ABCC4: variants seen among roughly 807,000 people sequenced by gnomAD.
ABCC4 encodes the protein ATP binding cassette subfamily C member 4 (PEL blood group).
In ABCC4, 102 loss-of-function variants were observed where a neutral mutation model predicts 168.5. The observed-to-expected ratio is 0.61, with a 90% CI of 0.52 to 0.71. The LOEUF is 0.71. Ranked by LOEUF, ABCC4 falls within the 30% of genes least tolerant of loss-of-function variation. The probability of loss-of-function intolerance (pLI) is 0.00; values close to 1 mark genes in which losing one functional copy is unlikely to be tolerated. For synonymous variants in ABCC4, 617 were observed against 590.7 expected (o/e 1.04, Z -0.65); for missense variants, 1,402 against 1,605.8 (o/e 0.87, Z 2.17).
intron 19 of ABCC4, among the ~76,000 whole-genome samples, chr13:95,132,614 T>C (rs2036007747): frequency 6.6e-6 from 1 of 152,194 alleles, no homozygotes; most frequent in Non-Finnish European, 1.5e-5. Flanking sequence ...TGTTGTGGTA[T>C]TATAATTTTT....
chr13:95,071,556 A>T, intron 25 of ABCC4, 106 bp downstream of exon 25: 1 of 974,406 alleles, frequency 1.0e-6, no homozygotes, highest in Non-Finnish European at 1.4e-6. Flanking sequence ...AAGACAGGTT[A>T]ACCTACGTAT....
chr13:95,105,993 A>G (rs1260911116), intron 20 of ABCC4, among the ~76,000 whole-genome samples: 3 of 152,214 alleles, frequency 2.0e-5, no homozygotes, highest in African/African-American at 7.2e-5. Flanking sequence ...GATTTTCAGT[A>G]AAGCCCATCA....
intron 4 of ABCC4, among the ~76,000 whole-genome samples, chr13:95,232,135 T>C (rs1489919808): frequency 4.0e-5 from 6 of 151,182 alleles, no homozygotes; most frequent in African/African-American, 1.5e-4. Context: ...ATGATGGTGG[T>C]GGTGGTGGTG....
At chr13:95,187,303 G>A (rs1279457550) in intron 10 of ABCC4, among the ~76,000 whole-genome samples, 1 of 152,218 alleles carries the variant, frequency 6.6e-6, no homozygotes, top group Non-Finnish European at 1.5e-5. Flanking sequence ...TAGAAATGCT[G>A]TATGTAAATA....
chr13:95,224,067 A>G (rs1383583063), intron 4 of ABCC4, among the ~76,000 whole-genome samples: 1 of 152,148 alleles, frequency 6.6e-6, no homozygotes, highest in Non-Finnish European at 1.5e-5. Context: ...CCTAAACTTT[A>G]CAATAATAAA....
chr13:95,067,601 A>G (rs1013518664), intron 25 of ABCC4, among the ~76,000 whole-genome samples: 32 of 152,254 alleles, frequency 2.1e-4, no homozygotes, highest in African/African-American at 7.5e-4. Context: ...CATGTTTCCA[A>G]GCAGAGGCAG....
chr13:95,083,513 G>T (rs79978869), intron 20 of ABCC4, among the ~76,000 whole-genome samples: 11,747 of 149,032 alleles, frequency 0.079, 1,497 homozygotes, highest in African/African-American at 0.27. Flanking sequence ...TATCCATTAG[G>T]TTTTTTTTTC....
chr13:95,051,100 C>T (rs1305097886), intron 27 of ABCC4, among the ~76,000 whole-genome samples: 1 of 152,122 alleles, frequency 6.6e-6, no homozygotes, highest in Admixed American at 6.5e-5. Flanking sequence ...CAGAGATTCA[C>T]AAATTTAAAT....
chr13:95,244,665 G>C lies in ABCC4; in HGVS notation c.306+2310C>G, dbSNP rs200083082. Among the ~76,000 whole-genome samples the C allele has an allele frequency of 3.8e-3, 310 of 82,510 alleles. 60 individuals are homozygous for C. Among genetic ancestry groups the C allele is most frequent in the Non-Finnish European group, 5.4e-3 (175 of 32,446 alleles). The allele number at this position is 82,510 out of a possible 152,430, so 54.1% of individuals were successfully genotyped here. ...AGAAAGAAAGAAAGAAAGAAAGAAA[G>C]AAAGAAATCATAGCAGTTCCTGGTA... On this transcript the variant is annotated intron_variant, in intron 3 of 30. Transcript: ENST00000645237.
intron 4 of ABCC4, among the ~76,000 whole-genome samples, chr13:95,224,315 G>C (rs1436601012): frequency 1.3e-5 from 2 of 151,956 alleles, no homozygotes; most frequent in African/African-American, 2.4e-5. Flanking sequence ...TTTGAAGGGA[G>C]AGGGGCAGAC....
At chr13:95,202,886 C>T (rs1401846634) in intron 8 of ABCC4, among the ~76,000 whole-genome samples, 1 of 152,112 alleles carries the variant, frequency 6.6e-6, no homozygotes, top group Non-Finnish European at 1.5e-5. Flanking sequence ...TCTAGAACTC[C>T]TGACCTCAAG....
Position 95,166,161 on chromosome 13 carries a change from T to C in ABCC4, c.2031A>G (p.Gln677=). ...PSLKDGALES[Q]DTENVPVTLS... is the part of the protein sequence containing the mutation. ...TTGTAACAGGAGGTGAACTCACATC[T>C]TGGCTCTCCAGAGCACCATCTTTCA... The change falls in exon 15 of 31, where the codon CAA becomes CAG. Residue 677 remains glutamine, a synonymous_variant. Transcript: ENST00000645237. 1 of 1,613,578 alleles carries C rather than the reference T, an allele frequency of 6.2e-7. No homozygotes were observed. Among genetic ancestry groups the C allele is most frequent in the Non-Finnish European group, 8.5e-7 (1 of 1,179,536 alleles).
rs773955230 is a variant in ABCC4, at chr13:95,186,785, T to G, written c.1461A>C (p.Gly487=). ...YVSQQPWVFS[G]TLRSNILFGK... The stretch of plus-strand genomic sequence containing the variant: ...CAAATAAAATATTACTCCTCAGAGT[T>G]CCCGAGAACACCCAGGGCTGCTGAG... The change falls in exon 11 of 31, where the codon GGA becomes GGC. Residue 487 remains glycine, a synonymous_variant. Transcript: ENST00000645237. 5 of 1,614,062 alleles carry G rather than the reference T, an allele frequency of 3.1e-6. No homozygotes were observed. The African/African-American group carries it at 6.7e-5, about 22-fold the overall frequency.
chr13:95,084,206 T>C (rs1466748513), intron 20 of ABCC4, among the ~76,000 whole-genome samples: 11 of 152,170 alleles, frequency 7.2e-5, no homozygotes, highest in Non-Finnish European at 1.2e-4. Context: ...AATATCCCTA[T>C]GAAGTAGTAT....
At chr13:95,096,622 A>T (rs964334513) in intron 20 of ABCC4, among the ~76,000 whole-genome samples, 2 of 152,170 alleles carry the variant, frequency 1.3e-5, no homozygotes, top group African/African-American at 4.8e-5. Context: ...ATCAGAAACA[A>T]TGAAGGGAGA....
intron 8 of ABCC4, among the ~76,000 whole-genome samples, chr13:95,203,222 A>T (rs2038681357): frequency 6.6e-6 from 1 of 152,074 alleles, no homozygotes; most frequent in African/African-American, 2.4e-5. Context: ...CATTTATCTC[A>T]TAATGGCCAG....
intron 19 of ABCC4, among the ~76,000 whole-genome samples, chr13:95,159,096 TATATATATA>T (rs1566475253): frequency 2.5e-4 from 13 of 52,052 alleles, no homozygotes; most frequent in African/African-American, 1.8e-3. Flanking sequence ...ATAAATTTTA[TATATATATA>T]TATATATATA....
At chr13:95,078,369 G>A (rs1201650842) in intron 21 of ABCC4, among the ~76,000 whole-genome samples, 1 of 152,026 alleles carries the variant, frequency 6.6e-6, no homozygotes, top group African/African-American at 2.4e-5. Context: ...CCAAGATTAC[G>A]GCCACTGCAC....
intron 20 of ABCC4, among the ~76,000 whole-genome samples, chr13:95,113,207 A>C (rs1446077348): frequency 6.6e-6 from 1 of 152,178 alleles, no homozygotes; most frequent in Admixed American, 6.5e-5. Context: ...TCCCCCCTAA[A>C]AGATCAACGA....
Sources: gnomAD v4.1 joint callset for allele counts (sites outside exome capture counted in the v4.1 genomes callset) on GRCh38, gnomAD v4.1.1 for gene constraint, MANE v1.5 for transcripts, NCBI Gene and HGNC (gene_info 2026-07-23, HGNC 2026-07-21) for gene names.